The following RBFOX1 variants were observed in gnomAD, a reference collection of about 807,000 sequenced individuals.
RBFOX1 encodes RNA binding fox-1 homolog 1.
In RBFOX1, 8 loss-of-function variants were observed where a neutral mutation model predicts 57.7. The observed-to-expected ratio is 0.14, with a 90% CI of 0.08 to 0.25. RBFOX1 has a LOEUF of 0.25. Among genes scored for constraint, RBFOX1 ranks in the 10% least tolerant of loss-of-function variants. The pLI is 1.00. For synonymous variants in RBFOX1, 326 were observed against 222.4 expected (o/e 1.47, Z -4.15); for missense variants, 611 against 548.5 (o/e 1.11, Z -1.14).
intron 3 of RBFOX1, among the ~76,000 whole-genome samples, chr16:5,739,893 G>A (rs1405266570): frequency 6.6e-6 from 1 of 152,222 alleles, no homozygotes; most frequent in East Asian, 1.9e-4. Context: ...TATTAAAAAT[G>A]TAAAAAATAA....
At chr16:7,155,022 A>G (rs1418411332) in intron 4 of RBFOX1, among the ~76,000 whole-genome samples, 4 of 152,092 alleles carry the variant, frequency 2.6e-5, no homozygotes, top group African/African-American at 4.8e-5. Flanking sequence ...ATAAATTGCT[A>G]TTGAGCTGGA....
chr16:5,634,580 A>G (rs1482839925), intron 3 of RBFOX1, among the ~76,000 whole-genome samples: 6 of 152,206 alleles, frequency 3.9e-5, no homozygotes, highest in African/African-American at 1.4e-4. Context: ...GTAAGTCAGG[A>G]TGGTTTCAGT....
At chr16:6,908,275 C>A (rs555758080) in intron 3 of RBFOX1, among the ~76,000 whole-genome samples, 1 of 151,698 alleles carries the variant, frequency 6.6e-6, no homozygotes, top group Non-Finnish European at 1.5e-5. Context: ...TCCTCTCCTG[C>A]GGCTCTGGGC....
chr16:6,354,912 G>A (rs1039567190), intron 2 of RBFOX1, among the ~76,000 whole-genome samples: 3 of 152,088 alleles, frequency 2.0e-5, no homozygotes, highest in Admixed American at 6.5e-5. Context: ...TGATATACCA[G>A]TGTTCACATA....
intron 3 of RBFOX1, among the ~76,000 whole-genome samples, chr16:5,664,206 G>A (rs920803229): frequency 6.6e-6 from 1 of 152,184 alleles, no homozygotes; most frequent in Non-Finnish European, 1.5e-5. Flanking sequence ...CTCTTGACTT[G>A]GGGGTTCTCG....
At chr16:5,336,759 C>G (rs974355460) in intron 1 of RBFOX1, among the ~76,000 whole-genome samples, 2 of 152,186 alleles carry the variant, frequency 1.3e-5, no homozygotes, top group African/African-American at 2.4e-5. Flanking sequence ...CTCCAGCCCC[C>G]CTCCTTCTGG....
intron 3 of RBFOX1, among the ~76,000 whole-genome samples, chr16:6,820,308 C>T (rs368792765): frequency 3.3e-5 from 5 of 152,218 alleles, no homozygotes; most frequent in South Asian, 4.1e-4. Flanking sequence ...TAGACTAATA[C>T]GTCCTCTTAA....
rs182087554 is a variant in RBFOX1, at chr16:6,403,293, C to T, written c.-64+86236C>T. 1.2e-3 allele frequency among the ~76,000 whole-genome samples: 190 copies of T among 152,290 alleles called. 1 individual carries two copies. The highest frequency in any genetic ancestry group is 4.4e-3 in the African/African-American group (181 of 41,560). On this transcript the variant is annotated intron_variant, in intron 2 of 15. Transcript: ENST00000550418. ...TTTACTCCAGCTGTCTAAACCAGAC[C>T]TGCCACTCAGGTGTTAAGAACCCAA...
intron 2 of RBFOX1, among the ~76,000 whole-genome samples, chr16:5,535,683 G>A (rs1473193798): frequency 6.6e-6 from 1 of 152,112 alleles, no homozygotes; most frequent in African/African-American, 2.4e-5. Flanking sequence ...CAGAATTTGG[G>A]AACACCAAGA....
intron 3 of RBFOX1, among the ~76,000 whole-genome samples, chr16:6,989,797 C>T (rs888896604): frequency 5.3e-5 from 8 of 152,046 alleles, no homozygotes; most frequent in African/African-American, 9.7e-5. Flanking sequence ...GTCAGGATTT[C>T]GAAACTAGCC....
At chr16:6,861,880 G>A (rs1268329063) in intron 3 of RBFOX1, among the ~76,000 whole-genome samples, 2 of 109,024 alleles carry the variant, frequency 1.8e-5, no homozygotes, top group African/African-American at 7.4e-5. Context: ...CTTTCTCCCT[G>A]CCCAGAAATG....
intron 4 of RBFOX1, among the ~76,000 whole-genome samples, chr16:5,972,585 A>T (rs1002430477): frequency 6.6e-6 from 1 of 152,218 alleles, no homozygotes; most frequent in Admixed American, 6.5e-5. Flanking sequence ...CAGGGATGAG[A>T]TGCGGCACCT....
chr16:6,438,433 C>T (rs2094294156), intron 2 of RBFOX1, among the ~76,000 whole-genome samples: 1 of 152,192 alleles, frequency 6.6e-6, no homozygotes, highest in South Asian at 2.1e-4. Context: ...TGCTTGACCA[C>T]ATCCTGTAGC....
intron 2 of RBFOX1, among the ~76,000 whole-genome samples, chr16:6,581,168 G>A (rs1006504606): frequency 7.9e-5 from 12 of 151,966 alleles, no homozygotes; most frequent in African/African-American, 1.7e-4. Context: ...GAGTTCCTGC[G>A]CCACGCCCAC....
At position 6,518,829 on chromosome 16, in the gene RBFOX1, ATCTATCTATCTATCTATCTG is replaced by A. The variant is rs1438928401; in HGVS notation, c.-63-135770_-63-135751del. Among the ~76,000 whole-genome samples, 1,049 of 132,402 alleles carry A rather than the reference ATCTATCTATCTATCTATCTG, an allele frequency of 7.9e-3. 10 individuals are homozygous for A. The highest frequency in any genetic ancestry group is 0.027 in the African/African-American group (963 of 36,260). The allele number at this position is 132,402 out of a possible 152,430, so 86.9% of individuals were successfully genotyped here. A position where few individuals can be genotyped will look rare whatever the true frequency, so the allele number is the denominator to read the frequency against. ...TATCTATCTATCTATCTATCTATCT[ATCTATCTATCTATCTATCTG>A]TCTTCCTGCAGAAGTAGCAAACGTG... On this transcript the variant is annotated intron_variant, in intron 2 of 15. Transcript: ENST00000550418.
At chr16:7,069,802 A>G (rs1294036756) in intron 4 of RBFOX1, among the ~76,000 whole-genome samples, 4 of 152,156 alleles carry the variant, frequency 2.6e-5, no homozygotes, top group Admixed American at 6.5e-5. Context: ...GTTAACAAAA[A>G]TTGTGTTCCT....
At chr16:7,290,451 G>C (rs374888361) in intron 4 of RBFOX1, among the ~76,000 whole-genome samples, 1 of 152,254 alleles carries the variant, frequency 6.6e-6, no homozygotes, top group South Asian at 2.1e-4. Flanking sequence ...ATGTCCTTTC[G>C]TAGTTGAGCA....
intron 8 of RBFOX1, 107 bp downstream of exon 8, chr16:7,595,748 C>A: frequency 1.7e-6 from 1 of 606,058 alleles, no homozygotes; most frequent in Non-Finnish European, 2.4e-6. Context: ...ACCCTATTCC[C>A]CCTCATTGTT....
At chr16:7,658,827 C>T (rs1006255748) in intron 12 of RBFOX1, among the ~76,000 whole-genome samples, 1 of 152,184 alleles carries the variant, frequency 6.6e-6, no homozygotes, top group Non-Finnish European at 1.5e-5. Context: ...TGGGTTCAAG[C>T]AATTCTCCTG....
Sources: gnomAD v4.1 joint callset for allele counts (sites outside exome capture counted in the v4.1 genomes callset) on GRCh38, gnomAD v4.1.1 for gene constraint, MANE v1.5 for transcripts, NCBI Gene and HGNC (gene_info 2026-07-23, HGNC 2026-07-21) for gene names.